RAI14: variants seen among roughly 807,000 people sequenced by gnomAD.
RAI14 encodes ankycorbin.
In RAI14, 45 loss-of-function variants were observed where a neutral mutation model predicts 115.4. The ratio of observed to expected loss-of-function variants is 0.39; its 90% CI spans 0.31 to 0.50. The LOEUF (loss-of-function observed/expected upper bound fraction) is 0.50, where lower values mean the gene tolerates loss of function less well. RAI14 is among the 20% of genes least tolerant of loss of function. The pLI, the probability that RAI14 is intolerant of heterozygous loss-of-function variation, is 0.85. For missense variants in RAI14, 939 were observed against 1,131.2 expected, an observed-to-expected ratio of 0.83 and a Z score of 2.44; for synonymous variants, 371 against 415.4, an observed-to-expected ratio of 0.89 and a Z score of 1.30.
intron 4 of RAI14, among the ~76,000 whole-genome samples, chr5:34,797,529 G>T (rs1397952340): frequency 6.6e-6 from 1 of 151,890 alleles, no homozygotes; most frequent in South Asian, 2.1e-4. Context: ...ACCATTTTTG[G>T]TCAAAAATAG....
chr5:34,763,221 G>T (rs74410402), intron 3 of RAI14, among the ~76,000 whole-genome samples: 46 of 152,206 alleles, frequency 3.0e-4, no homozygotes, highest in African/African-American at 1.0e-3. Context: ...CAGCAGTTCA[G>T]TCTTGGAAAT....
At chr5:34,716,680 T>C (rs1742041265) in intron 2 of RAI14, 1 of 152,276 alleles carries the variant, frequency 6.6e-6, no homozygotes, top group Non-Finnish European at 1.5e-5. Context: ...CCCAAAGTGT[T>C]GGGATTACAG....
At chr5:34,725,657 C>G (rs1305690980) in intron 2 of RAI14, among the ~76,000 whole-genome samples, 1 of 151,784 alleles carries the variant, frequency 6.6e-6, no homozygotes, top group Non-Finnish European at 1.5e-5. Context: ...CACCGATAAC[C>G]AAGTGCTGCA....
At chr5:34,665,593 A>C (rs907783871) in intron 1 of RAI14, among the ~76,000 whole-genome samples, 1 of 151,834 alleles carries the variant, frequency 6.6e-6, no homozygotes, top group Admixed American at 6.6e-5. Context: ...GGACACTTGC[A>C]AATCTGATGG....
At chr5:34,665,507 T>G (rs956660746) in intron 1 of RAI14, among the ~76,000 whole-genome samples, 1 of 151,040 alleles carries the variant, frequency 6.6e-6, no homozygotes. Flanking sequence ...TTTTTTTTTT[T>G]TCTCTAAGAG....
intron 2 of RAI14, among the ~76,000 whole-genome samples, chr5:34,750,252 G>A (rs968322871): frequency 6.6e-6 from 1 of 152,086 alleles, no homozygotes; most frequent in Non-Finnish European, 1.5e-5. Context: ...CAACTCAATA[G>A]CACCGAACTC....
At chr5:34,656,499 G>A (rs2149833302) in intron 1 of RAI14, 24 bp downstream of exon 1, 1 of 152,278 alleles carries the variant, frequency 6.6e-6, no homozygotes, top group East Asian at 2.0e-4. Context: ...ACGGAGTTGG[G>A]AGGCTCCCGG....
Position 34,736,434 on chromosome 5 carries a change from T to G in RAI14, c.37-21034T>G, listed in dbSNP as rs569188097. Reference sequence around the variant, plus strand: ...AATCAAAATGGCAAGTGTTTTTTGTTTTTTTTTTAATTCCAAACTGCCCTA... The same window carrying G: ...AATCAAAATGGCAAGTGTTTTTTGTGTTTTTTTTAATTCCAAACTGCCCTA... On this transcript the variant is annotated intron_variant, in intron 2 of 17. Coordinates refer to ENST00000265109, the MANE Select transcript of RAI14 (RefSeq NM_015577.3). 2.6e-5 allele frequency among the ~76,000 whole-genome samples: 4 copies of G among 151,588 alleles called. No homozygotes were observed. The East Asian group carries it at 7.7e-4, about 29-fold the overall frequency.
chr5:34,774,161 T>TG (rs1172197820), intron 3 of RAI14, among the ~76,000 whole-genome samples: 2 of 151,204 alleles, frequency 1.3e-5, no homozygotes, highest in African/African-American at 4.9e-5. Context: ...GAGACCAGCC[T>TG]GGCCAACATG....
intron 1 of RAI14, among the ~76,000 whole-genome samples, chr5:34,672,402 T>C (rs1187900901): frequency 6.6e-6 from 1 of 152,154 alleles, no homozygotes; most frequent in East Asian, 1.9e-4. Flanking sequence ...GGGGGGAGCA[T>C]ATTCAGTCTT....
At chr5:34,714,689 G>A (rs1042310123) in intron 2 of RAI14, among the ~76,000 whole-genome samples, 2 of 152,152 alleles carry the variant, frequency 1.3e-5, no homozygotes, top group Non-Finnish European at 2.9e-5. Context: ...GAAGCATACT[G>A]TTTCCCAATA....
chr5:34,770,626 A>G (rs1316152352), intron 3 of RAI14, among the ~76,000 whole-genome samples: 1 of 152,228 alleles, frequency 6.6e-6, no homozygotes, highest in Non-Finnish European at 1.5e-5. Context: ...ACTTTTCTGC[A>G]GGAATGGCTC....
At chr5:34,660,682 C>T (rs957982638) in intron 1 of RAI14, among the ~76,000 whole-genome samples, 4 of 151,964 alleles carry the variant, frequency 2.6e-5, no homozygotes, top group South Asian at 4.2e-4. Context: ...GTGTTAGTGA[C>T]GCATTTTTAC....
intron 16 of RAI14, 80 bp downstream of exon 16, chr5:34,826,559 T>C: frequency 6.6e-7 from 1 of 1,512,404 alleles, no homozygotes; most frequent in Non-Finnish European, 8.9e-7. Flanking sequence ...CTAGGGCAAG[T>C]GGGCGTGAAC....
At position 34,832,139 on chromosome 5, in the gene RAI14, G is replaced by T. The variant is rs1364162551; in HGVS notation, c.*1374G>T. Reference sequence around the variant, plus strand: ...GAGACAGAATCCTGGACTCTCCAAAGTATTTAACTGAAAGTAGGGCCTGCT... The same window carrying T: ...GAGACAGAATCCTGGACTCTCCAAATTATTTAACTGAAAGTAGGGCCTGCT... On this transcript the variant is annotated 3_prime_UTR_variant, in exon 18 of 18. Coordinates refer to ENST00000265109, the MANE Select transcript of RAI14 (RefSeq NM_015577.3). 2 of 152,426 alleles carry T rather than the reference G, an allele frequency of 1.3e-5. No individual in the cohort carries two copies. The highest frequency in any genetic ancestry group is 3.8e-4 in the East Asian group (2 of 5,196). The allele number at this position is 152,426 out of a possible 1,614,324, so 9.4% of individuals were successfully genotyped here.
intron 1 of RAI14, among the ~76,000 whole-genome samples, chr5:34,681,856 C>CTTTTT (rs553263716): frequency 2.5e-5 from 3 of 122,156 alleles, no homozygotes; most frequent in South Asian, 5.5e-4. Context: ...TTCTTTCTTT[C>CTTTTT]TTTTTTTTTT....
Position 34,811,885 on chromosome 5 carries a change from A to G in RAI14, c.676A>G (p.Lys226Glu). 1 of 1,613,378 alleles carries G rather than the reference A, an allele frequency of 6.2e-7. No individual in the cohort carries two copies. ...TGGATACAATGCCTTACATTATTCC[A>G]AACTCTCAGAAAATGCAGGAATTCA... ...SLGYNALHYSKLSENAGIQSL... is the reference protein window; with the variant it reads ...SLGYNALHYSELSENAGIQSL... Residue 226 changes from lysine (K) to glutamate (E), a missense_variant, in exon 9 of 18, where the codon AAA becomes GAA. By Grantham distance (56) the Lys-to-Glu change is moderately conservative. Transcript: ENST00000265109.
At chr5:34,696,136 T>C (rs925334820) in intron 2 of RAI14, among the ~76,000 whole-genome samples, 1 of 151,966 alleles carries the variant, frequency 6.6e-6, no homozygotes, top group African/African-American at 2.4e-5. Flanking sequence ...TTATTTATTT[T>C]TTATTATTTT....
intron 2 of RAI14, among the ~76,000 whole-genome samples, chr5:34,689,041 T>C (rs1026256746): frequency 6.6e-6 from 1 of 152,172 alleles, no homozygotes; most frequent in Non-Finnish European, 1.5e-5. Context: ...GTTTTTGCAC[T>C]AAGGCAGTCT....
Sources: allele counts gnomAD v4.1 joint callset (sites outside exome capture counted in the v4.1 genomes callset), GRCh38; gene constraint gnomAD v4.1.1; transcripts MANE v1.5; gene names NCBI Gene and HGNC (gene_info 2026-07-23, HGNC 2026-07-21).